Variants in RTBDN observed in about 807,000 individuals in gnomAD.
The protein encoded by RTBDN is retbindin.
Under a neutral mutation model 21.9 loss-of-function variants are expected in RTBDN, and 24 were observed. The ratio of observed to expected loss-of-function variants is 1.10; its 90% confidence interval spans 0.79 to 1.54. The LOEUF (loss-of-function observed/expected upper bound fraction) is 1.54, where lower values mean the gene tolerates loss of function less well. RTBDN is among the 40% of genes most tolerant of loss of function. RTBDN has a pLI of 0.00. For synonymous variants in RTBDN, 141 were observed against 125.9 expected (o/e 1.12, Z -0.80); for missense variants, 325 against 315.2 (o/e 1.03, Z -0.23).
chr19:12,829,111 A>G, intron 2 of RTBDN, 158 bp from the exon 3 acceptor site: 1 of 1,178,548 alleles, frequency 8.5e-7, no homozygotes. Flanking sequence ...ATGCAGCTTC[A>G]AGTAGTAATA....
chr19:12,834,922 A>T, upstream of RTBDN: 1 of 1,572,946 alleles, frequency 6.4e-7, no homozygotes, highest in Non-Finnish European at 8.8e-7. The surrounding 1 kb of genome is among the most constrained non-coding windows in gnomAD (Gnocchi z 4.7). Context: ...AGGTGATGAT[A>T]TCTGTGCCCC....
chr19:12,834,376 C>T lies in RTBDN; in HGVS notation c.-19+113G>A, dbSNP rs969756570. ...AGTTATTGCCCTAGGGCTCATGCCC[C>T]TCGGGGCCATCGGCGCCGCTGGAGG... On this transcript the variant is annotated intron_variant, in intron 1 of 5. Coordinates refer to ENST00000674343, the MANE Select transcript of RTBDN (RefSeq NM_001270441.2). The surrounding 1 kb of genome is among the most constrained non-coding windows in gnomAD (Gnocchi z 4.7). The T allele has an allele frequency of 1.5e-5, 12 of 801,524 alleles. No homozygotes were observed. In the African/African-American group the frequency reaches 1.9e-4, roughly 13 times the overall value. 49.7% of individuals were successfully genotyped at this position (801,524 alleles called of 1,614,324 possible).
chr19:12,829,590 G>A (rs576738356), intron 2 of RTBDN, among the ~76,000 whole-genome samples: 7 of 152,224 alleles, frequency 4.6e-5, no homozygotes, highest in Non-Finnish European at 8.8e-5. Flanking sequence ...GAGACCCAGA[G>A]AGGTTAAATG....
In RTBDN at chr19:12,825,586, G is replaced by A; in HGVS notation, c.*120C>T. 7.1e-7 allele frequency: 1 copy of A among 1,410,178 alleles called. No individual in the cohort carries two copies. The highest frequency in any genetic ancestry group is 9.3e-7 in the Non-Finnish European group (1 of 1,073,634). 87.4% of individuals were successfully genotyped at this position (1,410,178 alleles called of 1,614,324 possible). ...GGTGGGTCTCTGGAGCTCCAGGGAG[G>A]AGGGACAGACATCTCAAAACTATTA... On this transcript the variant is annotated 3_prime_UTR_variant, in exon 6 of 6. Coordinates refer to ENST00000674343, the MANE Select transcript of RTBDN (RefSeq NM_001270441.2).
chr19:12,826,738 C>T (rs1347881714), intron 5 of RTBDN, 37 bp downstream of exon 5: 2 of 1,213,432 alleles, frequency 1.6e-6, no homozygotes. Context: ...TGGGGAGGAT[C>T]TCAGTCTCTT....
intron 4 of RTBDN, 61 bp from the exon 5 acceptor site, chr19:12,826,932 G>GGCTC (rs1969330404): frequency 8.3e-7 from 1 of 1,198,612 alleles, no homozygotes; most frequent in East Asian, 2.5e-5. Flanking sequence ...GCGCGATTCT[G>GGCTC]GCTCTTCTAG....
chr19:12,830,498 G>GT lies in RTBDN; in HGVS notation c.-18-502dup, dbSNP rs1157668601. 2.0e-6 allele frequency: 2 copies of GT among 985,570 alleles called. No homozygotes were observed. Among genetic ancestry groups the GT allele is most frequent in the East Asian group, 2.3e-4 (2 of 8,840 alleles). 61.1% of individuals were successfully genotyped at this position (985,570 alleles called of 1,614,324 possible). On this transcript the variant is annotated intron_variant, in intron 1 of 5. Transcript: ENST00000674343. This position sits in a 1 kb window ranked among gnomAD's most constrained non-coding sequence, Gnocchi z 4.2. ...AGCTGGACCTTTGGGACCAAGGCTGGTGTGGCAGGGCTCAGGTTCTGTCAC... is the reference window on the plus strand; with the variant it reads ...AGCTGGACCTTTGGGACCAAGGCTGGTTGTGGCAGGGCTCAGGTTCTGTCAC...
chr19:12,825,825 G>A lies in RTBDN; in HGVS notation c.571C>T (p.Arg191Cys). 1 of 1,613,432 alleles carries A rather than the reference G, an allele frequency of 6.2e-7. No individual in the cohort carries two copies. The highest frequency in any genetic ancestry group is 8.5e-7 in the Non-Finnish European group (1 of 1,179,792). Residue 191 changes from arginine to cysteine, a missense_variant, in exon 6 of 6, where the codon CGT becomes TGT. Coordinates refer to ENST00000674343, the MANE Select transcript of RTBDN (RefSeq NM_001270441.2). ...CFNISISAVP[R>C]PRPGRRGREA... ...CGGCCCCGTCGTCCTGGTCTGGGAC[G>A]AGGTACCGCGGAGATGGAGATGTTG...
At chr19:12,825,989 G>A in intron 5 of RTBDN, 56 bp from the exon 6 acceptor site, 3 of 1,482,826 alleles carry the variant, frequency 2.0e-6, no homozygotes, top group Non-Finnish European at 2.7e-6. Flanking sequence ...CGTGGGGGGC[G>A]TGGCCTCGGG....
chr19:12,826,677 A>C, intron 5 of RTBDN, 98 bp downstream of exon 5: 1 of 943,138 alleles, frequency 1.1e-6, no homozygotes, highest in South Asian at 1.5e-5. Flanking sequence ...CTGGGTGACA[A>C]GAATGAAACT....
chr19:12,835,313 C>G, upstream of RTBDN: 1 of 561,724 alleles, frequency 1.8e-6, no homozygotes, highest in Non-Finnish European at 3.2e-6. Flanking sequence ...CTCCCACATT[C>G]TCTCCGCCTC....
At chr19:12,828,810 G>A (rs778840924) in intron 3 of RTBDN, 43 bp from the exon 4 acceptor site, 12 of 1,613,368 alleles carry the variant, frequency 7.4e-6, no homozygotes, top group African/African-American at 5.3e-5. Context: ...CAGGACCCGA[G>A]GGAGTTCCTG....
At position 12,828,722 on chromosome 19, in the gene RTBDN, G is replaced by T. The variant is rs763495867; in HGVS notation, c.300C>A (p.Arg100=). The change falls in exon 4 of 6, where the codon CGC becomes CGA. Residue 100 remains arginine, a synonymous_variant. Transcript: ENST00000674343. ...GTACCCCCAATAGCCGCAGGCGGAA[G>T]CGACTGCGAAGGGCACGTTGGAGGT... ...LEHLQRALRS[R]FRLRLLGVRQ... The T allele has an allele frequency of 1.2e-5, 19 of 1,614,132 alleles. No homozygotes were observed. The highest frequency in any genetic ancestry group is 1.7e-5 in the Admixed American group (1 of 60,008).
At position 12,825,724 on chromosome 19, in the gene RTBDN, T is replaced by TCCACTG. The variant is rs779537988; in HGVS notation, c.666_671dup (p.Ser227_Gly228dup). The TCCACTG allele has an allele frequency of 6.4e-5, 101 of 1,583,112 alleles. No individual in the cohort carries two copies. In the African/African-American group the frequency reaches 1.3e-3, roughly 20 times the overall value. The stretch of plus-strand genomic sequence containing the variant: ...GCGTCCGCTAGGGGCCGCTGCCGCT[T>TCCACTG]CCACTGCCACTCCCGCTGCCCGCAG... On this transcript the variant is annotated inframe_insertion, in exon 6 of 6. Transcript: ENST00000674343.
chr19:12,828,535 C>G (rs1188116594), intron 4 of RTBDN, 122 bp downstream of exon 4: 3 of 679,912 alleles, frequency 4.4e-6, no homozygotes, highest in Non-Finnish European at 7.4e-6. Context: ...TAAGCTGCAT[C>G]TCTTAAACCT....
Position 12,828,428 on chromosome 19 carries a change from A to T in RTBDN, c.365+229T>A, listed in dbSNP as rs555035820. Among the ~76,000 whole-genome samples the T allele has an allele frequency of 2.0e-5, 3 of 152,242 alleles. No homozygotes were observed. In the East Asian group the frequency reaches 5.8e-4, roughly 29 times the overall value. ...AAAAGAAAGAAAGAAAAGAAAAGAA[A>T]TCGCAGGGCTATGAAAAGCCACATT... On this transcript the variant is annotated intron_variant, in intron 4 of 5. Coordinates refer to ENST00000674343, the MANE Select transcript of RTBDN (RefSeq NM_001270441.2).
In RTBDN at chr19:12,825,804, CCCG is replaced by C; in HGVS notation, c.589_591del (p.Arg197del). The stretch of plus-strand genomic sequence containing the variant: ...GAACGCCGGGAGGGAGCTTCCCGGC[CCCG>C]TCGTCCTGGTCTGGGACGAGGTACC... On this transcript the variant is annotated inframe_deletion, in exon 6 of 6. Coordinates refer to ENST00000674343, the MANE Select transcript of RTBDN (RefSeq NM_001270441.2). The C allele has an allele frequency of 6.2e-7, 1 of 1,611,996 alleles. No individual in the cohort carries two copies. The highest frequency in any genetic ancestry group is 8.5e-7 in the Non-Finnish European group (1 of 1,178,866).
rs1310549830 is a variant in RTBDN at position 12,834,364 on chromosome 19, G to A, written c.-19+125C>T. 1.8e-5 allele frequency: 13 copies of A among 715,174 alleles called. No homozygotes were observed. Among genetic ancestry groups the A allele is most frequent in the Non-Finnish European group, 2.8e-5 (12 of 424,178 alleles). 44.3% of individuals were successfully genotyped at this position (715,174 alleles called of 1,614,324 possible). On this transcript the variant is annotated intron_variant, in intron 1 of 5. Transcript: ENST00000674343. The surrounding 1 kb of genome is among the most constrained non-coding windows in gnomAD (Gnocchi z 4.7). ...GGCGCAGAGCAAAGTTATTGCCCTA[G>A]GGCTCATGCCCCTCGGGGCCATCGG...
upstream of RTBDN, chr19:12,835,002 T>A (rs1410011025): frequency 6.3e-7 from 1 of 1,577,264 alleles, no homozygotes; most frequent in Non-Finnish European, 8.7e-7. Context: ...TAATCTGGAG[T>A]TTAGATAAAG....
Sources: allele counts gnomAD v4.1 joint callset (sites outside exome capture counted in the v4.1 genomes callset), GRCh38; gene constraint gnomAD v4.1.1; non-coding constraint Gnocchi (gnomAD v3.1); transcripts MANE v1.5; gene names NCBI Gene and HGNC (gene_info 2026-07-23, HGNC 2026-07-21).